The following PRR16 variants were observed in gnomAD, a reference collection of about 807,000 sequenced individuals.
The protein encoded by PRR16 is protein Largen.
PRR16 carries 6 observed loss-of-function variants against 18.2 expected under a neutral mutation model. That is an observed-to-expected ratio of 0.33 (90% CI 0.18 to 0.65). The LOEUF (loss-of-function observed/expected upper bound fraction) is 0.65, where lower values mean the gene tolerates loss of function less well. Ranked by LOEUF, PRR16 falls within the 30% of genes least tolerant of loss-of-function variation. PRR16 has a pLI of 0.74. For missense variants in PRR16, 412 were observed against 376.6 expected (o/e 1.09, Z -0.78); for synonymous variants, 151 against 147.8 (o/e 1.02, Z -0.16).
the PRR16 span, among the ~76,000 whole-genome samples, chr5:120,794,175 G>T: frequency 6.6e-6 from 1 of 152,048 alleles, no homozygotes; most frequent in Non-Finnish European, 1.5e-5. Flanking sequence ...AAGAGATGCA[G>T]AAAGTTACAT....
the PRR16 span, among the ~76,000 whole-genome samples, chr5:120,740,667 C>T: frequency 6.6e-6 from 1 of 152,092 alleles, no homozygotes; most frequent in Admixed American, 6.5e-5. Context: ...AAATCTTCAG[C>T]TATTCTTAAA....
At chr5:120,736,637 G>C in the PRR16 span, among the ~76,000 whole-genome samples, 1 of 144,532 alleles carries the variant, frequency 6.9e-6, no homozygotes, top group East Asian at 2.0e-4. Context: ...ACTGTCATTG[G>C]GATTTTGATG....
the PRR16 span, among the ~76,000 whole-genome samples, chr5:120,749,972 C>G: frequency 6.6e-6 from 1 of 152,034 alleles, no homozygotes. Context: ...TCTCCTTACC[C>G]CCATGGTATA....
chr5:120,523,385 T>G (rs1367412051), intron 1 of PRR16, among the ~76,000 whole-genome samples: 1 of 152,194 alleles, frequency 6.6e-6, no homozygotes, highest in South Asian at 2.1e-4. Context: ...TCATCATTAT[T>G]ATTATTTTTT....
chr5:120,634,508 T>A (rs1755163694), intron 1 of PRR16, among the ~76,000 whole-genome samples: 1 of 152,092 alleles, frequency 6.6e-6, no homozygotes, highest in Admixed American at 6.6e-5. Context: ...CTGGACATGC[T>A]GGCATGTGCC....
rs548821633 is a variant in PRR16, at chr5:120,591,743, A to G, written c.160-94211A>G. Among the ~76,000 whole-genome samples, 3 of 152,218 alleles carry G rather than the reference A, an allele frequency of 2.0e-5. No individual in the cohort carries two copies. In the South Asian group the frequency reaches 6.2e-4, roughly 32 times the overall value. On this transcript the variant is annotated intron_variant, in intron 1 of 1. Coordinates refer to ENST00000407149, the MANE Select transcript of PRR16 (RefSeq NM_001300783.2). ...CATATAAGTAGCCTTCGTTGATTTCAATTTTCAGAATTATAGCAATTGATA... is the reference window on the plus strand; with the variant it reads ...CATATAAGTAGCCTTCGTTGATTTCGATTTTCAGAATTATAGCAATTGATA...
At chr5:120,742,508 T>TTTAAA in the PRR16 span, among the ~76,000 whole-genome samples, 15,736 of 151,848 alleles carry the variant, frequency 0.1, 1,024 homozygotes, top group African/African-American at 0.18. Context: ...ATTTTTTAGT[T>TTTAAA]TTATTTTTGC....
chr5:120,595,073 G>T (rs1047494643), intron 1 of PRR16, among the ~76,000 whole-genome samples: 3 of 151,810 alleles, frequency 2.0e-5, no homozygotes, highest in Non-Finnish European at 2.9e-5. Flanking sequence ...GAAGGACCAA[G>T]TTGCCAAAAG....
intron 1 of PRR16, among the ~76,000 whole-genome samples, chr5:120,611,938 G>A (rs1480150404): frequency 6.6e-6 from 1 of 152,204 alleles, no homozygotes; most frequent in East Asian, 1.9e-4. Context: ...GAGCAGCCAA[G>A]AGGGAGGCTG....
intron 1 of PRR16, among the ~76,000 whole-genome samples, chr5:120,609,274 A>T (rs75743886): frequency 6.6e-6 from 1 of 152,050 alleles, no homozygotes; most frequent in African/African-American, 2.4e-5. Context: ...TACATTTACA[A>T]TGCTGTGCAA....
At chr5:120,781,866 G>C in the PRR16 span, among the ~76,000 whole-genome samples, 1 of 151,946 alleles carries the variant, frequency 6.6e-6, no homozygotes, top group African/African-American at 2.4e-5. Context: ...TTTGAATATT[G>C]TAGATAGACC....
intron 1 of PRR16, among the ~76,000 whole-genome samples, chr5:120,674,263 C>T (rs528102281): frequency 8.3e-4 from 127 of 152,202 alleles, no homozygotes; most frequent in Middle Eastern, 3.4e-3. Context: ...CCTGCCCGCC[C>T]TCCAAAAAAG....
chr5:120,703,039 C>T, the PRR16 span, among the ~76,000 whole-genome samples: 5 of 152,194 alleles, frequency 3.3e-5, no homozygotes, highest in Admixed American at 2.0e-4. Context: ...TGGGTGCAGG[C>T]GGGCTGAGTC....
chr5:120,638,438 T>G (rs2112852234), intron 1 of PRR16, among the ~76,000 whole-genome samples: 1 of 152,246 alleles, frequency 6.6e-6, no homozygotes, highest in East Asian at 1.9e-4. Context: ...GCTAGAAGAA[T>G]TTCAGTAATG....
chr5:120,508,321 T>C (rs775512350), intron 1 of PRR16, among the ~76,000 whole-genome samples: 4 of 152,180 alleles, frequency 2.6e-5, no homozygotes, highest in Admixed American at 6.5e-5. Context: ...GCTTGAAATT[T>C]GACTTCTTGT....
the PRR16 span, among the ~76,000 whole-genome samples, chr5:120,708,743 G>A: frequency 6.6e-6 from 1 of 152,042 alleles, no homozygotes; most frequent in South Asian, 2.1e-4. Flanking sequence ...AAGTTTACAT[G>A]CACAACTTAG....
the PRR16 span, among the ~76,000 whole-genome samples, chr5:120,703,510 CT>C: frequency 1.3e-5 from 2 of 152,160 alleles, no homozygotes; most frequent in African/African-American, 4.8e-5. Context: ...AGCATTGTTT[CT>C]TTTGTGTTTG....
chr5:120,736,259 T>C, the PRR16 span, among the ~76,000 whole-genome samples: 1 of 152,308 alleles, frequency 6.6e-6, no homozygotes, highest in Non-Finnish European at 1.5e-5. Context: ...GTGAGACCTC[T>C]AACTTTGCTT....
chr5:120,760,187 G>T, the PRR16 span, among the ~76,000 whole-genome samples: 335 of 152,244 alleles, frequency 2.2e-3, 1 homozygote, highest in Non-Finnish European at 8.7e-4. Context: ...TCTCACTGTT[G>T]CAGTAAATGT....
Sources: gnomAD v4.1 joint callset for allele counts (sites outside exome capture counted in the v4.1 genomes callset) on GRCh38, gnomAD v4.1.1 for gene constraint, MANE v1.5 for transcripts, NCBI Gene and HGNC (gene_info 2026-07-23, HGNC 2026-07-21) for gene names.